Variants in HDAC9 observed in about 807,000 individuals in gnomAD.
The protein encoded by HDAC9 is histone deacetylase 9.
A neutral mutation model predicts 139.4 loss-of-function variants in HDAC9; 41 were observed. That is an observed-to-expected ratio of 0.29 (90% confidence interval 0.23 to 0.38). The LOEUF (loss-of-function observed/expected upper bound fraction) is 0.38, where lower values mean the gene tolerates loss of function less well. Ranked by LOEUF, HDAC9 falls within the 10% of genes least tolerant of loss-of-function variation. The pLI, the probability that HDAC9 is intolerant of heterozygous loss-of-function variation, is 1.00. For missense variants in HDAC9, 1,147 were observed against 1,297.0 expected, an observed-to-expected ratio of 0.88 and a Z score of 1.78; for synonymous variants, 517 against 476.2, an observed-to-expected ratio of 1.09 and a Z score of -1.12.
In HDAC9 at chr7:18,717,591, C is replaced by G. The variant is rs1348112446; in HGVS notation, c.1732-9989C>G. 4.6e-5 allele frequency among the ~76,000 whole-genome samples: 7 copies of G among 152,228 alleles called. No homozygotes were observed. In the South Asian group the frequency reaches 8.3e-4, roughly 18 times the overall value. Reference sequence around the variant, plus strand: ...GGATTACAGGCATGTGCCATCATGCCTGGCTAACTCTGTATTTTTAGTGGA... The same window carrying G: ...GGATTACAGGCATGTGCCATCATGCGTGGCTAACTCTGTATTTTTAGTGGA... On this transcript the variant is annotated intron_variant, in intron 12 of 25. Transcript: ENST00000686413.
At chr7:18,232,037 TGA>T (rs2128184071) in intron 2 of HDAC9, among the ~76,000 whole-genome samples, 1 of 152,372 alleles carries the variant, frequency 6.6e-6, no homozygotes, top group Admixed American at 6.5e-5. Flanking sequence ...AGTGCATTTG[TGA>T]TTTTTGTTGC....
chr7:18,332,025 C>A (rs1301258168), intron 1 of HDAC9, among the ~76,000 whole-genome samples: 2 of 151,600 alleles, frequency 1.3e-5, no homozygotes, highest in East Asian at 3.9e-4. Context: ...TTCTGTCAAG[C>A]ACAATATACT....
intron 1 of HDAC9, among the ~76,000 whole-genome samples, chr7:18,311,655 A>G (rs1057065110): frequency 5.3e-5 from 8 of 152,144 alleles, no homozygotes; most frequent in Non-Finnish European, 8.8e-5. Context: ...TCATAGTACT[A>G]TATTCTGTCT....
chr7:18,339,901 G>A (rs1438731968), intron 1 of HDAC9, among the ~76,000 whole-genome samples: 1 of 151,430 alleles, frequency 6.6e-6, no homozygotes, highest in East Asian at 1.9e-4. Context: ...TGCTAATGAG[G>A]TCAAGTATGT....
chr7:18,933,766 T>G, intron 22 of HDAC9, among the ~76,000 whole-genome samples: 1 of 151,722 alleles, frequency 6.6e-6, no homozygotes, highest in Non-Finnish European at 1.5e-5. Flanking sequence ...CTGAAAGAAA[T>G]AAAAGAAGAA....
At chr7:18,949,026 C>G (rs1782599419) in intron 23 of HDAC9, 1 of 408,558 alleles carries the variant, frequency 2.4e-6, no homozygotes, top group Non-Finnish European at 4.7e-6. Flanking sequence ...TGTGTACTTG[C>G]TTGCATTTTT....
chr7:18,940,328 A>G (rs1241970985), intron 23 of HDAC9, among the ~76,000 whole-genome samples: 1 of 152,218 alleles, frequency 6.6e-6, no homozygotes, highest in Non-Finnish European at 1.5e-5. Context: ...AGAAATATGT[A>G]CAAGGTCAGT....
chr7:18,626,551 A>AGGT (rs1841776960), intron 6 of HDAC9, among the ~76,000 whole-genome samples: 1 of 152,234 alleles, frequency 6.6e-6, no homozygotes. Context: ...GGCACAATGA[A>AGGT]GGTATCATCT....
chr7:18,627,039 T>C (rs1328198770), intron 6 of HDAC9, among the ~76,000 whole-genome samples: 1 of 152,136 alleles, frequency 6.6e-6, no homozygotes, highest in Non-Finnish European at 1.5e-5. Flanking sequence ...AACCCTTCCC[T>C]TCTACATTCA....
At position 18,775,107 on chromosome 7, in the gene HDAC9, C is replaced by T. The variant is rs75627909; in HGVS notation, c.2214+7952C>T. On this transcript the variant is annotated intron_variant, in intron 16 of 25. Coordinates refer to ENST00000686413, the MANE Select transcript of HDAC9 (RefSeq NM_178425.4). ...TGATCGGTGGAGCAGAAGTCACACA[C>T]GATATTTATCAATTAAGTTCACTGT... 5.2e-3 allele frequency among the ~76,000 whole-genome samples: 794 copies of T among 152,014 alleles called. 8 individuals are homozygous for T. Among genetic ancestry groups the T allele is most frequent in the African/African-American group, 0.017 (723 of 41,494 alleles).
intron 1 of HDAC9, among the ~76,000 whole-genome samples, chr7:18,471,113 G>C (rs60657506): frequency 0.034 from 5,190 of 151,682 alleles, 136 homozygotes; most frequent in East Asian, 0.12. Context: ...AGTTTCTGTT[G>C]AGTTAAAGTT....
chr7:18,306,598 T>C (rs1204573013), intron 1 of HDAC9, among the ~76,000 whole-genome samples: 2 of 152,204 alleles, frequency 1.3e-5, no homozygotes, highest in Non-Finnish European at 2.9e-5. Flanking sequence ...ACTTTTGGTC[T>C]CTCTCCAAGT....
chr7:18,337,593 C>G (rs1781675939), intron 1 of HDAC9, among the ~76,000 whole-genome samples: 1 of 151,718 alleles, frequency 6.6e-6, no homozygotes, highest in Non-Finnish European at 1.5e-5. Context: ...AGGGCACTTG[C>G]TGACTCCGGC....
chr7:18,259,150 A>G (rs919205633), intron 2 of HDAC9, among the ~76,000 whole-genome samples: 2 of 150,810 alleles, frequency 1.3e-5, no homozygotes, highest in Non-Finnish European at 3.0e-5. Flanking sequence ...TTGTATTTTT[A>G]GTAGAGATGG....
At chr7:18,212,332 A>G (rs981219721) in intron 2 of HDAC9, among the ~76,000 whole-genome samples, 6 of 152,144 alleles carry the variant, frequency 3.9e-5, no homozygotes, top group Non-Finnish European at 7.4e-5. Context: ...TACCTCATAT[A>G]ATATTATTAC....
chr7:18,876,593 G>A (rs1799336551), intron 22 of HDAC9, among the ~76,000 whole-genome samples: 1 of 152,062 alleles, frequency 6.6e-6, no homozygotes, highest in African/African-American at 2.4e-5. Context: ...AATAACTGGG[G>A]TTAAAATCAA....
intron 2 of HDAC9, among the ~76,000 whole-genome samples, chr7:18,248,989 C>T (rs1271462733): frequency 1.3e-5 from 2 of 152,188 alleles, no homozygotes; most frequent in Non-Finnish European, 2.9e-5. Flanking sequence ...CTTGCTCTAA[C>T]TTACTTTTCT....
intron 2 of HDAC9, among the ~76,000 whole-genome samples, chr7:18,219,624 T>C (rs984340897): frequency 1.3e-5 from 2 of 152,146 alleles, no homozygotes; most frequent in Non-Finnish European, 2.9e-5. Context: ...AGTGTTTCCA[T>C]GTGATAGAAT....
rs1209981750 is a variant in HDAC9 at position 18,993,489 on chromosome 7, T to C, written c.3171-2534T>C. 7.9e-5 allele frequency among the ~76,000 whole-genome samples: 12 copies of C among 152,288 alleles called. No homozygotes were observed. The East Asian group carries it at 1.7e-3, about 22-fold the overall frequency. On this transcript the variant is annotated intron_variant, in intron 25 of 25. Coordinates refer to ENST00000686413, the MANE Select transcript of HDAC9 (RefSeq NM_178425.4). The stretch of plus-strand genomic sequence containing the variant: ...TTCCAACTTACTATGCTACTAACAC[T>C]TCTATGCTGCAAGACGCTGGGGAGA...
Sources: allele counts gnomAD v4.1 joint callset (sites outside exome capture counted in the v4.1 genomes callset), GRCh38; gene constraint gnomAD v4.1.1; transcripts MANE v1.5; gene names NCBI Gene and HGNC (gene_info 2026-07-23, HGNC 2026-07-21).